OTUB1: variants seen among roughly 807,000 people sequenced by gnomAD.
OTUB1 encodes the protein ubiquitin thioesterase OTUB1.
A neutral mutation model predicts 35.8 loss-of-function variants in OTUB1; 10 were observed. The ratio of observed to expected loss-of-function variants is 0.28; its 90% CI spans 0.17 to 0.47. The LOEUF is 0.47. Ranked by LOEUF, OTUB1 falls within the 20% of genes least tolerant of loss-of-function variation. OTUB1 has a pLI of 0.99. For missense variants in OTUB1, 264 were observed against 351.6 expected (o/e 0.75, Z 1.99); for synonymous variants, 158 against 143.8 (o/e 1.10, Z -0.71).
intron 3 of OTUB1, among the ~76,000 whole-genome samples, chr11:63,996,305 T>C (rs1379624080): frequency 6.6e-6 from 1 of 152,192 alleles, no homozygotes; most frequent in Non-Finnish European, 1.5e-5. Context: ...ATGCAACTAG[T>C]TTGTCCTTAA....
intron 3 of OTUB1, chr11:63,989,117 C>T (rs1242718670): frequency 1.1e-5 from 2 of 178,026 alleles, no homozygotes; most frequent in Non-Finnish European, 2.4e-5. Flanking sequence ...GTCAGGAGTT[C>T]GAGACCAGTC....
chr11:63,987,471 T>C (rs113201433), intron 1 of OTUB1, among the ~76,000 whole-genome samples: 2,384 of 152,290 alleles, frequency 0.016, 58 homozygotes, highest in African/African-American at 0.054. Context: ...CCCAGCTGGC[T>C]GATAATCCTA....
At position 63,997,819 on chromosome 11, in the gene OTUB1, G is replaced by A; in HGVS notation, c.*273G>A. The A allele has an allele frequency of 2.9e-6, 2 of 698,820 alleles. No individual in the cohort carries two copies. The highest frequency in any genetic ancestry group is 3.0e-5 in the South Asian group (2 of 67,442). The allele number at this position is 698,820 out of a possible 1,614,324, so 43.3% of individuals were successfully genotyped here. ...CTACTCCTGAGCTTCCCCAACAGGA[G>A]CAGGTTTGAGGGGCCAGGCCTCTTG... On this transcript the variant is annotated 3_prime_UTR_variant, in exon 7 of 7. Transcript: ENST00000538426.
intron 6 of OTUB1, 34 bp downstream of exon 6, chr11:63,997,278 G>A: frequency 6.2e-7 from 1 of 1,611,356 alleles, no homozygotes; most frequent in Admixed American, 1.7e-5. Flanking sequence ...CTCGGCCGGG[G>A]GAGTGCAGTG....
intron 3 of OTUB1, among the ~76,000 whole-genome samples, chr11:63,993,661 C>CAAAA (rs71039699): frequency 9.4e-6 from 1 of 106,868 alleles, no homozygotes. Context: ...GAGACTGTCT[C>CAAAA]AAAAAAAAAA....
rs755663560 is a variant in OTUB1 at position 63,997,472 on chromosome 11, A to G, written c.742A>G (p.Ile248Val). The G allele has an allele frequency of 6.2e-6, 10 of 1,614,132 alleles. No homozygotes were observed. The Admixed American group carries it at 1.7e-4, about 27-fold the overall frequency. ...RGEGGTTNPH[I>V]FPEGSEPKVY... ...CGAGGGCGGCACCACCAATCCGCAC[A>G]TCTTCCCTGAGGGCTCCGAGCCCAA... The change falls in exon 7 of 7, where the codon ATC (isoleucine) becomes GTC (valine). Residue 248 changes from isoleucine to valine, a missense_variant. Coordinates refer to ENST00000538426, the MANE Select transcript of OTUB1 (RefSeq NM_017670.3).
chr11:63,994,784 T>C (rs1343429287), intron 3 of OTUB1, among the ~76,000 whole-genome samples: 34 of 152,238 alleles, frequency 2.2e-4, no homozygotes, highest in Admixed American at 2.0e-3. Context: ...GTTTGCCCCC[T>C]CTGATTGAGG....
rs1942718311 is a variant in OTUB1, at chr11:63,996,524, C to A, written c.220-6C>A. ...TTAACCTGTCGGGGTGGGGCTGTCT[C>A]CGCAGGACCTCCACAAAAAGTACTC... On this transcript the variant is annotated splice_region_variant and splice_polypyrimidine_tract_variant and intron_variant, in intron 3 of 6. Coordinates refer to ENST00000538426, the MANE Select transcript of OTUB1 (RefSeq NM_017670.3). 7 of 1,614,040 alleles carry A rather than the reference C, an allele frequency of 4.3e-6. No individual in the cohort carries two copies. Among genetic ancestry groups the A allele is most frequent in the Non-Finnish European group, 5.1e-6 (6 of 1,179,958 alleles).
chr11:63,997,374 G>A lies in OTUB1; in HGVS notation c.644G>A (p.Ser215Asn). The A allele has an allele frequency of 6.2e-7, 1 of 1,614,056 alleles. No homozygotes were observed. Among genetic ancestry groups the A allele is most frequent in the Non-Finnish European group, 8.5e-7 (1 of 1,180,008 alleles). ...GAGGTGGAGCCCATGTGCAAGGAGA[G>A]CGACCACATCCACATCATTGCGCTG... ...QQEVEPMCKE[S>N]DHIHIIALAQ... The change falls in exon 7 of 7, where the codon AGC becomes AAC. Residue 215 changes from serine (S) to asparagine (N), a missense_variant. Ser to Asn is a conservative substitution (Grantham distance 46). Coordinates refer to ENST00000538426, the MANE Select transcript of OTUB1 (RefSeq NM_017670.3).
rs1565187095 is a variant in OTUB1 at position 63,997,570 on chromosome 11, C to T, written c.*24C>T. ...AGGGCTGGCTCCAGCCCGCTGCTGC[C>T]CTGCTGCCCCCCTCTGCCAGGCGCT... On this transcript the variant is annotated 3_prime_UTR_variant, in exon 7 of 7. Coordinates refer to ENST00000538426, the MANE Select transcript of OTUB1 (RefSeq NM_017670.3). 3.1e-6 allele frequency: 5 copies of T among 1,598,748 alleles called. No individual in the cohort carries two copies. The highest frequency in any genetic ancestry group is 4.3e-6 in the Non-Finnish European group (5 of 1,167,028).
chr11:63,987,474 T>G (rs780393043), intron 1 of OTUB1, among the ~76,000 whole-genome samples: 10 of 152,202 alleles, frequency 6.6e-5, no homozygotes, highest in Non-Finnish European at 5.9e-5. Flanking sequence ...AGCTGGCTGA[T>G]AATCCTAGAG....
chr11:63,986,756 C>T, intron 1 of OTUB1: 1 of 497,958 alleles, frequency 2.0e-6, no homozygotes, highest in Non-Finnish European at 3.5e-6. Flanking sequence ...CCATCGTGTG[C>T]GCCCGGGGCG....
At chr11:63,988,864 G>A in intron 3 of OTUB1, 112 bp downstream of exon 3, 2 of 703,040 alleles carry the variant, frequency 2.8e-6, no homozygotes, top group Non-Finnish European at 5.1e-6. Context: ...GGGTGTTGGA[G>A]GACACTTTTC....
chr11:63,988,484 T>C (rs758583806), intron 2 of OTUB1, 86 bp downstream of exon 2: 7 of 1,417,826 alleles, frequency 4.9e-6, no homozygotes, highest in Non-Finnish European at 6.9e-6. Context: ...CTATTGTCTG[T>C]CTCTACTTTG....
Position 63,998,032 on chromosome 11 carries a change from A to C in OTUB1, c.*486A>C. On this transcript the variant is annotated 3_prime_UTR_variant, in exon 7 of 7. Coordinates refer to ENST00000538426, the MANE Select transcript of OTUB1 (RefSeq NM_017670.3). ...CCCAGACCCCAGCTTCCTGCCCTCCACCGGGAGTCTGCATGGTTGGGAGTC... is the reference window on the plus strand; with the variant it reads ...CCCAGACCCCAGCTTCCTGCCCTCCCCCGGGAGTCTGCATGGTTGGGAGTC... 2.1e-6 allele frequency: 1 copy of C among 486,690 alleles called. No individual in the cohort carries two copies. The highest frequency in any genetic ancestry group is 1.9e-5 in the African/African-American group (1 of 51,294). The allele number at this position is 486,690 out of a possible 1,614,324, so 30.1% of individuals were successfully genotyped here. A position where few individuals can be genotyped will look rare whatever the true frequency, so the allele number is the denominator to read the frequency against.
intron 1 of OTUB1, among the ~76,000 whole-genome samples, chr11:63,987,240 C>T (rs772650757): frequency 6.6e-6 from 1 of 152,206 alleles, no homozygotes; most frequent in Non-Finnish European, 1.5e-5. Flanking sequence ...GGTCGACGCC[C>T]AGCCAAGAAT....
intron 3 of OTUB1, chr11:63,989,826 C>T (rs1942654504): frequency 1.3e-5 from 2 of 150,772 alleles, no homozygotes; most frequent in Non-Finnish European, 2.9e-5. Context: ...GAGATCGAGA[C>T]CACGGTGAAA....
intron 3 of OTUB1, chr11:63,990,594 AAAAAAATAAAT>A (rs1942663340): frequency 2.9e-5 from 4 of 139,238 alleles, no homozygotes; most frequent in African/African-American, 1.1e-4. Context: ...TTAAAAAAAT[AAAAAAATAAAT>A]AAATAAATAA....
intron 3 of OTUB1, among the ~76,000 whole-genome samples, chr11:63,995,620 G>A (rs1284943314): frequency 6.6e-6 from 1 of 151,740 alleles, no homozygotes; most frequent in African/African-American, 2.4e-5. Flanking sequence ...GAGCCATGGC[G>A]CCCAGCTTGG....
Sources: gnomAD v4.1 joint callset for allele counts (sites outside exome capture counted in the v4.1 genomes callset) on GRCh38, gnomAD v4.1.1 for gene constraint, MANE v1.5 for transcripts, NCBI Gene and HGNC (gene_info 2026-07-23, HGNC 2026-07-21) for gene names.